SEC24D: variants seen among roughly 807,000 people sequenced by gnomAD.
The protein encoded by SEC24D is SEC24 homolog D, COPII component, also known as protein transport protein Sec24D.
SEC24D carries 69 observed loss-of-function variants against 116.9 expected under a neutral mutation model. The observed-to-expected ratio is 0.59, with a 90% CI of 0.49 to 0.72. The LOEUF (loss-of-function observed/expected upper bound fraction) is 0.72. Ranked by LOEUF, SEC24D falls within the 30% of genes least tolerant of loss-of-function variation. SEC24D has a pLI of 0.00. For missense variants in SEC24D, 1,131 were observed against 1,264.1 expected, an observed-to-expected ratio of 0.89 and a Z score of 1.60; for synonymous variants, 405 against 442.8, an observed-to-expected ratio of 0.91 and a Z score of 1.07.
intron 18 of SEC24D, 131 bp downstream of exon 18, chr4:118,739,018 G>T: frequency 1.2e-6 from 1 of 804,926 alleles, no homozygotes; most frequent in Non-Finnish European, 2.0e-6. Flanking sequence ...TTCTCTCTCA[G>T]CCTTTGCTTT....
intron 3 of SEC24D, among the ~76,000 whole-genome samples, chr4:118,821,329 C>T (rs1730392820): frequency 6.6e-6 from 1 of 152,172 alleles, no homozygotes; most frequent in Non-Finnish European, 1.5e-5. Context: ...CATCAGAATA[C>T]ATCACTTAAA....
intron 2 of SEC24D, among the ~76,000 whole-genome samples, chr4:118,831,946 T>C (rs919777192): frequency 2.0e-5 from 3 of 152,104 alleles, no homozygotes; most frequent in African/African-American, 7.2e-5. Context: ...CTCACACCTA[T>C]AATTCCAGCA....
intron 22 of SEC24D, among the ~76,000 whole-genome samples, chr4:118,726,995 G>C (rs67989872): frequency 0.29 from 43,591 of 152,074 alleles, 7,167 homozygotes; most frequent in Non-Finnish European, 0.37. Flanking sequence ...TCAAGTGTCA[G>C]AGAAAGGGTG....
intron 6 of SEC24D, among the ~76,000 whole-genome samples, chr4:118,808,664 T>C (rs114093638): frequency 0.044 from 6,639 of 152,286 alleles, 195 homozygotes; most frequent in Non-Finnish European, 0.063. Context: ...GACTGTGACT[T>C]GGTACCTGAA....
chr4:118,828,621 T>C (rs1730558206), intron 2 of SEC24D, among the ~76,000 whole-genome samples: 1 of 151,960 alleles, frequency 6.6e-6, no homozygotes, highest in Admixed American at 6.6e-5. Context: ...TCTGTTACCC[T>C]CCCCCAACGA....
intron 19 of SEC24D, 106 bp from the exon 20 acceptor site, chr4:118,733,018 A>G: frequency 1.0e-6 from 1 of 1,001,916 alleles, no homozygotes; most frequent in East Asian, 2.5e-5. Flanking sequence ...ACTTGTAAGG[A>G]TGTAAGGATT....
chr4:118,739,081 G>A, intron 18 of SEC24D, 68 bp downstream of exon 18: 1 of 1,520,768 alleles, frequency 6.6e-7, no homozygotes, highest in South Asian at 1.1e-5. Flanking sequence ...GTGCTTTTTA[G>A]CTACTGACAA....
chr4:118,792,385 G>C (rs933474921), intron 8 of SEC24D, among the ~76,000 whole-genome samples: 1 of 152,228 alleles, frequency 6.6e-6, no homozygotes, highest in Non-Finnish European at 1.5e-5. Context: ...ACCCCTTCTG[G>C]GAGGTGTACC....
rs374807511 is a variant in SEC24D at position 118,732,715 on chromosome 4, C to T, written c.2676+18G>A. 1.3e-5 allele frequency: 21 copies of T among 1,608,906 alleles called. No homozygotes were observed. In the African/African-American group the frequency reaches 2.7e-4, roughly 20 times the overall value. On this transcript the variant is annotated intron_variant, in intron 20 of 22. Coordinates refer to ENST00000280551, the MANE Select transcript of SEC24D (RefSeq NM_014822.4). The stretch of plus-strand genomic sequence containing the variant: ...CTTCCAGCCTCCTCTGGGAAATGCA[C>T]CACCCCAGCATGCTTACTATGGGCA...
rs965932548 is a variant in SEC24D, at chr4:118,725,069, T to C, written c.2959-1414A>G. 3.6e-5 allele frequency among the ~76,000 whole-genome samples: 5 copies of C among 138,636 alleles called. No individual in the cohort carries two copies. In the South Asian group the frequency reaches 6.9e-4, roughly 19 times the overall value. The allele number at this position is 138,636 out of a possible 152,430, so 91.0% of individuals were successfully genotyped here. On this transcript the variant is annotated intron_variant, in intron 22 of 22. Coordinates refer to ENST00000280551, the MANE Select transcript of SEC24D (RefSeq NM_014822.4). ...ACTCTGTCAACACCACTTGCTTTTTTCCTTTATAACGTTTCGGCCTGGATC... is the reference window on the plus strand; with the variant it reads ...ACTCTGTCAACACCACTTGCTTTTTCCCTTTATAACGTTTCGGCCTGGATC...
At chr4:118,732,581 T>C (rs538342772) in intron 20 of SEC24D, 152 bp downstream of exon 20, 295 of 724,344 alleles carry the variant, frequency 4.1e-4, no homozygotes, top group Non-Finnish European at 6.0e-4. Flanking sequence ...AAAGAGCCCC[T>C]GCTCGAAATC....
chr4:118,753,049 G>A lies in SEC24D; in HGVS notation c.1422-161C>T, dbSNP rs183641674. On this transcript the variant is annotated intron_variant, in intron 11 of 22. Coordinates refer to ENST00000280551, the MANE Select transcript of SEC24D (RefSeq NM_014822.4). Reference sequence around the variant, plus strand: ...ACCAAGTGTAAACAATACTAGTCACGGCAATGGGGGATAGGAGTTATTACA... The same window carrying A: ...ACCAAGTGTAAACAATACTAGTCACAGCAATGGGGGATAGGAGTTATTACA... Among the ~76,000 whole-genome samples the A allele has an allele frequency of 1.2e-3, 181 of 152,068 alleles. 2 individuals carry two copies. Among genetic ancestry groups the A allele is most frequent in the South Asian group, 0.012 (56 of 4,818 alleles).
chr4:118,726,213 A>G (rs1725403698), intron 22 of SEC24D, among the ~76,000 whole-genome samples: 1 of 152,220 alleles, frequency 6.6e-6, no homozygotes, highest in Non-Finnish European at 1.5e-5. Context: ...CAGGTAGAAC[A>G]TGTTGAGCGA....
At chr4:118,753,297 GA>G (rs1283057892) in intron 11 of SEC24D, among the ~76,000 whole-genome samples, 1 of 152,112 alleles carries the variant, frequency 6.6e-6, no homozygotes, top group Non-Finnish European at 1.5e-5. Flanking sequence ...AAGGGATGAG[GA>G]AGCCATACTC....
At chr4:118,835,294 A>C (rs1731044120) in intron 1 of SEC24D, among the ~76,000 whole-genome samples, 1 of 152,206 alleles carries the variant, frequency 6.6e-6, no homozygotes, top group Admixed American at 6.5e-5. Context: ...TTCCTCACGC[A>C]ACCCAGTTTG....
chr4:118,740,858 ATTTTC>A lies in SEC24D; in HGVS notation c.2093-55_2093-51del, dbSNP rs1269542259. The A allele has an allele frequency of 4.4e-6, 7 of 1,606,280 alleles. No individual in the cohort carries two copies. The African/African-American group carries it at 9.4e-5, about 22-fold the overall frequency. ...TTTTGCTTGTCTTTATTCTACTGTT[ATTTTC>A]TTTGTTGGCCTGTTATTAATTTGAA... On this transcript the variant is annotated intron_variant, in intron 16 of 22. Coordinates refer to ENST00000280551, the MANE Select transcript of SEC24D (RefSeq NM_014822.4).
intron 11 of SEC24D, among the ~76,000 whole-genome samples, chr4:118,753,864 A>G (rs1325169935): frequency 2.0e-5 from 3 of 152,204 alleles, no homozygotes; most frequent in Non-Finnish European, 4.4e-5. Context: ...AGATGTCAGC[A>G]TAACTTATTT....
At chr4:118,741,776 A>G (rs1383228620) in intron 15 of SEC24D, among the ~76,000 whole-genome samples, 1 of 152,212 alleles carries the variant, frequency 6.6e-6, no homozygotes, top group Non-Finnish European at 1.5e-5. Flanking sequence ...CATAGACACA[A>G]TCTTTACAAT....
chr4:118,751,439 A>C (rs1260716978), intron 13 of SEC24D, among the ~76,000 whole-genome samples: 1 of 152,088 alleles, frequency 6.6e-6, no homozygotes, highest in East Asian at 1.9e-4. Flanking sequence ...CAGCCTCCCA[A>C]GGTGCTGGGA....
Sources: gnomAD v4.1 joint callset for allele counts (sites outside exome capture counted in the v4.1 genomes callset) on GRCh38, gnomAD v4.1.1 for gene constraint, MANE v1.5 for transcripts, NCBI Gene and HGNC (gene_info 2026-07-23, HGNC 2026-07-21) for gene names.